Variants in PIP4K2A observed in about 807,000 individuals in gnomAD.
The protein encoded by PIP4K2A is phosphatidylinositol-5-phosphate 4-kinase type 2 alpha, also known as phosphatidylinositol 5-phosphate 4-kinase type-2 alpha.
A neutral mutation model predicts 42.9 loss-of-function variants in PIP4K2A; 14 were observed. That is an observed-to-expected ratio of 0.33 (90% CI 0.22 to 0.51). PIP4K2A has a LOEUF of 0.51. Among genes scored for constraint, PIP4K2A ranks in the 20% least tolerant of loss-of-function variants. The probability of loss-of-function intolerance (pLI) is 0.97; values close to 1 mark genes in which losing one functional copy is unlikely to be tolerated. For missense variants in PIP4K2A, 434 were observed against 519.8 expected (o/e 0.83, Z 1.61); for synonymous variants, 192 against 192.2 (o/e 1.00, Z 0.01).
chr10:22,544,081 C>T (rs1013563523), intron 7 of PIP4K2A, among the ~76,000 whole-genome samples: 5 of 152,176 alleles, frequency 3.3e-5, no homozygotes, highest in African/African-American at 1.2e-4. Flanking sequence ...CTTTTCTTCG[C>T]AACCCTAGGA....
Position 22,690,806 on chromosome 10 carries a change from GC to G in PIP4K2A, c.144+23376del, listed in dbSNP as rs555670429. Reference sequence around the variant, plus strand: ...CTGAAATAGTCTGGCCCCAAGGCTAGCCCTTTAATTATTATGCAATGCTGCA... The same window carrying G: ...CTGAAATAGTCTGGCCCCAAGGCTAGCCTTTAATTATTATGCAATGCTGCA... On this transcript the variant is annotated intron_variant, in intron 1 of 9. Transcript: ENST00000376573. Among the ~76,000 whole-genome samples, 389 of 152,318 alleles carry G rather than the reference GC, an allele frequency of 2.6e-3. 5 individuals are homozygous for G. The highest frequency in any genetic ancestry group is 7.3e-3 in the African/African-American group (304 of 41,548).
At chr10:22,673,560 C>T (rs1210699338) in intron 1 of PIP4K2A, among the ~76,000 whole-genome samples, 1 of 152,066 alleles carries the variant, frequency 6.6e-6, no homozygotes, top group African/African-American at 2.4e-5. Context: ...TTTAAACATA[C>T]ACCACACACA....
chr10:22,593,596 C>T (rs1405488045), intron 3 of PIP4K2A, among the ~76,000 whole-genome samples: 1 of 152,200 alleles, frequency 6.6e-6, no homozygotes, highest in Non-Finnish European at 1.5e-5. Flanking sequence ...GTGAATTTCC[C>T]CTTGTGGGGT....
At chr10:22,677,721 A>T (rs1463500293) in intron 1 of PIP4K2A, among the ~76,000 whole-genome samples, 1 of 152,190 alleles carries the variant, frequency 6.6e-6, no homozygotes, top group East Asian at 1.9e-4. Context: ...CAAACTATTC[A>T]CTTAGCTTAC....
intron 4 of PIP4K2A, among the ~76,000 whole-genome samples, chr10:22,588,286 AT>A (rs550592118): frequency 6.6e-6 from 1 of 151,352 alleles, no homozygotes; most frequent in African/African-American, 2.4e-5. Flanking sequence ...TATACGGACA[AT>A]TTTTTTTTAA....
intron 1 of PIP4K2A, among the ~76,000 whole-genome samples, chr10:22,627,591 T>TTA (rs1838469308): frequency 3.5e-4 from 20 of 56,998 alleles, no homozygotes; most frequent in Admixed American, 8.8e-4. Context: ...TAATATGTAA[T>TTA]AAAAAAAAAA....
At chr10:22,554,633 G>T (rs1031105671) in intron 6 of PIP4K2A, among the ~76,000 whole-genome samples, 1 of 152,224 alleles carries the variant, frequency 6.6e-6, no homozygotes, top group Non-Finnish European at 1.5e-5. Context: ...TCCAGCCAGC[G>T]GTCAGCAACC....
intron 7 of PIP4K2A, among the ~76,000 whole-genome samples, chr10:22,546,349 T>C (rs990833807): frequency 6.6e-6 from 1 of 152,180 alleles, no homozygotes; most frequent in African/African-American, 2.4e-5. Context: ...GGTTTCAGTT[T>C]GTAGACCGGG....
At chr10:22,551,175 C>T (rs1836402706) in intron 6 of PIP4K2A, among the ~76,000 whole-genome samples, 2 of 152,326 alleles carry the variant, frequency 1.3e-5, no homozygotes, top group South Asian at 4.2e-4. Context: ...CCAACTCCAT[C>T]CCTCCTCCCA....
chr10:22,714,140 G>A (rs1361727832), intron 1 of PIP4K2A, 43 bp downstream of exon 1: 6 of 1,489,028 alleles, frequency 4.0e-6, no homozygotes, highest in Middle Eastern at 1.8e-4. Context: ...AGGAGGAAGA[G>A]GAGGAGGAGG....
intron 1 of PIP4K2A, among the ~76,000 whole-genome samples, chr10:22,673,641 A>C (rs1839497679): frequency 3.3e-5 from 5 of 152,124 alleles, no homozygotes; most frequent in African/African-American, 1.2e-4. Context: ...TGAGGAAAAA[A>C]AATAAAAAAT....
In PIP4K2A at chr10:22,609,737, A is replaced by G. The variant is rs548750040; in HGVS notation, c.145-20T>C. On this transcript the variant is annotated intron_variant, in intron 1 of 9. Coordinates refer to ENST00000376573, the MANE Select transcript of PIP4K2A (RefSeq NM_005028.5). The stretch of plus-strand genomic sequence containing the variant: ...ATTGATCTGGAAAAATATAAAATAA[A>G]TAGCATGGGTTATTACTATCCAGGT... 1.4e-6 allele frequency: 2 copies of G among 1,426,322 alleles called. No homozygotes were observed. The highest frequency in any genetic ancestry group is 2.3e-5 in the East Asian group (1 of 44,022). 88.4% of individuals were successfully genotyped at this position (1,426,322 alleles called of 1,614,324 possible).
At chr10:22,580,953 T>A (rs1837262102) in intron 4 of PIP4K2A, among the ~76,000 whole-genome samples, 1 of 152,196 alleles carries the variant, frequency 6.6e-6, no homozygotes, top group Non-Finnish European at 1.5e-5. Flanking sequence ...TGCCAACTCC[T>A]GTCTGCAGAC....
chr10:22,587,890 C>T (rs78123874), intron 4 of PIP4K2A, among the ~76,000 whole-genome samples: 9,653 of 152,318 alleles, frequency 0.063, 402 homozygotes, highest in Middle Eastern at 0.15. Flanking sequence ...ACTGCATCTT[C>T]CTTCATGAAC....
intron 1 of PIP4K2A, among the ~76,000 whole-genome samples, chr10:22,690,849 CA>C (rs1032783849): frequency 6.6e-6 from 1 of 152,168 alleles, no homozygotes; most frequent in Non-Finnish European, 1.5e-5. Flanking sequence ...GCAAAATCAC[CA>C]TATGTATTTC....
At chr10:22,669,592 T>C (rs1403291064) in intron 1 of PIP4K2A, among the ~76,000 whole-genome samples, 2 of 152,076 alleles carry the variant, frequency 1.3e-5, no homozygotes, top group East Asian at 1.9e-4. Flanking sequence ...GCAAACCCTG[T>C]AGGGTAATGC....
At chr10:22,675,569 AAC>A (rs1372234541) in intron 1 of PIP4K2A, among the ~76,000 whole-genome samples, 2 of 152,318 alleles carry the variant, frequency 1.3e-5, no homozygotes, top group East Asian at 1.9e-4. Flanking sequence ...CAGCGTGAGC[AAC>A]AGAGTGAGAC....
intron 6 of PIP4K2A, among the ~76,000 whole-genome samples, chr10:22,562,345 G>A (rs1021341239): frequency 2.6e-5 from 4 of 152,290 alleles, no homozygotes; most frequent in East Asian, 1.9e-4. Flanking sequence ...TCAGGGGATC[G>A]AGACCATCCT....
At chr10:22,695,141 T>C (rs1839943470) in intron 1 of PIP4K2A, among the ~76,000 whole-genome samples, 1 of 152,178 alleles carries the variant, frequency 6.6e-6, no homozygotes, top group African/African-American at 2.4e-5. Context: ...CCACATAACC[T>C]TCATTTGAAA....
Sources: gnomAD v4.1 joint callset for allele counts (sites outside exome capture counted in the v4.1 genomes callset) on GRCh38, gnomAD v4.1.1 for gene constraint, MANE v1.5 for transcripts, NCBI Gene and HGNC (gene_info 2026-07-23, HGNC 2026-07-21) for gene names.